CBR4: variants seen among roughly 807,000 people sequenced by gnomAD.
The protein encoded by CBR4 is 3-oxoacyl-[acyl-carrier-protein] reductase.
In CBR4, 22 loss-of-function variants were observed where a neutral mutation model predicts 21.0. The ratio of observed to expected loss-of-function variants is 1.05; its 90% CI spans 0.75 to 1.50. The LOEUF (loss-of-function observed/expected upper bound fraction) is 1.50, where lower values mean the gene tolerates loss of function less well. Ranked by LOEUF, CBR4 falls within the 40% of genes most tolerant of loss-of-function variation. The pLI, the probability that CBR4 is intolerant of heterozygous loss-of-function variation, is 0.00. For missense variants in CBR4, 302 were observed against 286.3 expected (o/e 1.05, Z -0.40); for synonymous variants, 100 against 104.4 (o/e 0.96, Z 0.26).
chr4:168,997,343 A>G (rs959686259), intron 4 of CBR4, among the ~76,000 whole-genome samples: 2 of 152,238 alleles, frequency 1.3e-5, no homozygotes, highest in African/African-American at 4.8e-5. Flanking sequence ...TTAAAAACCC[A>G]GTTCAATTTT....
intron 2 of CBR4, among the ~76,000 whole-genome samples, chr4:168,938,199 G>T (rs1167116992): frequency 1.3e-5 from 2 of 152,154 alleles, no homozygotes; most frequent in Non-Finnish European, 2.9e-5. Flanking sequence ...TGAACAACCT[G>T]CTCCTGAATG....
intron 2 of CBR4, among the ~76,000 whole-genome samples, chr4:168,944,116 A>G (rs1763335482): frequency 6.6e-6 from 1 of 152,064 alleles, no homozygotes; most frequent in Non-Finnish European, 1.5e-5. Flanking sequence ...AGCAAACACT[A>G]AAATACTTCT....
chr4:168,958,094 G>T (rs572711832), intron 2 of CBR4, among the ~76,000 whole-genome samples: 1 of 151,998 alleles, frequency 6.6e-6, no homozygotes, highest in South Asian at 2.1e-4. Context: ...GTGAAACCCC[G>T]TCTCTATTAA....
chr4:168,938,222 A>G (rs1232854667), intron 2 of CBR4, among the ~76,000 whole-genome samples: 1 of 152,216 alleles, frequency 6.6e-6, no homozygotes, highest in Non-Finnish European at 1.5e-5. Context: ...TACTGGGTAA[A>G]TAACAAAATT....
At chr4:168,981,180 G>A (rs550524714) in intron 2 of CBR4, among the ~76,000 whole-genome samples, 21 of 152,144 alleles carry the variant, frequency 1.4e-4, no homozygotes, top group African/African-American at 4.6e-4. Flanking sequence ...TGGATGGATT[G>A]CTTGAGGTCA....
At chr4:168,929,041 C>T (rs1034182765) in intron 2 of CBR4, among the ~76,000 whole-genome samples, 1 of 152,196 alleles carries the variant, frequency 6.6e-6, no homozygotes, top group African/African-American at 2.4e-5. Flanking sequence ...TACAGTTCTG[C>T]CTGCCACAGC....
chr4:168,967,179 A>T (rs889325690), intron 2 of CBR4, among the ~76,000 whole-genome samples: 1 of 152,200 alleles, frequency 6.6e-6, no homozygotes, highest in East Asian at 1.9e-4. Flanking sequence ...TGCAGCCATA[A>T]AAAAGGATGA....
chr4:169,007,846 G>T, intron 1 of CBR4, 90 bp from the exon 2 acceptor site: 2 of 897,696 alleles, frequency 2.2e-6, no homozygotes, highest in South Asian at 3.5e-5. Context: ...TAAGATGGCA[G>T]GCCTGTGCTA....
chr4:168,990,276 T>A lies in CBR4; in HGVS notation c.588A>T (p.Lys196Asn). 1 of 1,612,330 alleles carries A rather than the reference T, an allele frequency of 6.2e-7. No individual in the cohort carries two copies. Among genetic ancestry groups the A allele is most frequent in the Non-Finnish European group, 8.5e-7 (1 of 1,178,954 alleles). The change falls in exon 5 of 5, where the codon AAA becomes AAT. Residue 196 changes from lysine (K) to asparagine (N), a missense_variant. Lys to Asn is a moderately conservative substitution (Grantham distance 94). Coordinates refer to ENST00000306193, the MANE Select transcript of CBR4 (RefSeq NM_032783.5). ...TKDLKEEHLK[K>N]NIPLGRFGET... ...CTCCAAACCTCCCAAGAGGAATATT[T>A]TTCTTTAAATGTTCTTCTTTCAAGT...
At chr4:168,952,359 T>C (rs1174696961) in intron 2 of CBR4, among the ~76,000 whole-genome samples, 2 of 152,206 alleles carry the variant, frequency 1.3e-5, no homozygotes, top group Admixed American at 6.5e-5. Flanking sequence ...GGGCTTCACC[T>C]TTCTCTGGTG....
At chr4:168,920,812 A>G (rs188537025) in intron 2 of CBR4, among the ~76,000 whole-genome samples, 126 of 152,334 alleles carry the variant, frequency 8.3e-4, no homozygotes, top group Non-Finnish European at 1.5e-3. Context: ...TGCATTCTCC[A>G]TAACTATGGC....
At chr4:168,968,419 T>C (rs1390792891) in intron 2 of CBR4, among the ~76,000 whole-genome samples, 2 of 152,200 alleles carry the variant, frequency 1.3e-5, no homozygotes, top group East Asian at 1.9e-4. Flanking sequence ...GGCAGAAGAG[T>C]TGATACAGCC....
intron 2 of CBR4, among the ~76,000 whole-genome samples, chr4:168,909,987 C>T (rs756758342): frequency 6.6e-5 from 10 of 152,128 alleles, no homozygotes; most frequent in Non-Finnish European, 1.3e-4. Flanking sequence ...ATAAATCAAA[C>T]TAATAATTCT....
At chr4:168,936,660 C>T (rs766378457) in intron 2 of CBR4, among the ~76,000 whole-genome samples, 10 of 151,870 alleles carry the variant, frequency 6.6e-5, no homozygotes, top group African/African-American at 2.4e-4. Flanking sequence ...ACAGCTGAAT[C>T]GATCAAGTGG....
chr4:169,003,586 A>G (rs1291233819), intron 3 of CBR4, among the ~76,000 whole-genome samples: 1 of 152,244 alleles, frequency 6.6e-6, no homozygotes, highest in Non-Finnish European at 1.5e-5. Context: ...TTAAAGATCT[A>G]CTTGCATAAA....
intron 2 of CBR4, among the ~76,000 whole-genome samples, chr4:168,978,723 C>A (rs1387176795): frequency 5.3e-5 from 8 of 152,178 alleles, no homozygotes; most frequent in Admixed American, 5.2e-4. Flanking sequence ...CCTGCACCAG[C>A]AGCTGTAGCT....
At chr4:168,914,278 G>C (rs1422910822) in intron 2 of CBR4, among the ~76,000 whole-genome samples, 4 of 152,130 alleles carry the variant, frequency 2.6e-5, no homozygotes, top group Non-Finnish European at 5.9e-5. Context: ...ATATTTTATA[G>C]ACAAATAAAT....
intron 2 of CBR4, among the ~76,000 whole-genome samples, chr4:168,960,587 C>T (rs530694171): frequency 6.6e-6 from 1 of 152,278 alleles, no homozygotes; most frequent in Admixed American, 6.5e-5. Flanking sequence ...AGTCTTCCAA[C>T]CCAAGAACAC....
At chr4:168,907,107 C>T (rs1312380433) in intron 2 of CBR4, among the ~76,000 whole-genome samples, 2 of 151,624 alleles carry the variant, frequency 1.3e-5, no homozygotes, top group Non-Finnish European at 2.9e-5. Context: ...TTTCCTCCCT[C>T]GTAAAATGAG....
Sources: allele counts gnomAD v4.1 joint callset (sites outside exome capture counted in the v4.1 genomes callset), GRCh38; gene constraint gnomAD v4.1.1; transcripts MANE v1.5; gene names NCBI Gene and HGNC (gene_info 2026-07-23, HGNC 2026-07-21).